GALNT13: variants seen among roughly 807,000 people sequenced by gnomAD.
The protein encoded by GALNT13 is polypeptide N-acetylgalactosaminyltransferase 13.
GALNT13 carries 28 observed loss-of-function variants against 64.2 expected under a neutral mutation model. That is an observed-to-expected ratio of 0.44 (90% CI 0.32 to 0.60). The LOEUF is 0.60. GALNT13 is among the 20% of genes least tolerant of loss of function. The pLI, the probability that GALNT13 is intolerant of heterozygous loss-of-function variation, is 0.05. For missense variants in GALNT13, 577 were observed against 669.8 expected, an observed-to-expected ratio of 0.86 and a Z score of 1.53; for synonymous variants, 214 against 224.6, an observed-to-expected ratio of 0.95 and a Z score of 0.42.
chr2:153,810,657 T>C, the GALNT13 span, among the ~76,000 whole-genome samples: 1 of 152,136 alleles, frequency 6.6e-6, no homozygotes, highest in Non-Finnish European at 1.5e-5. Context: ...TTTGGAAAAG[T>C]ATAGGAAATG....
intron 3 of GALNT13, among the ~76,000 whole-genome samples, chr2:154,039,308 C>CCTAG (rs2105323819): frequency 9.9e-6 from 1 of 101,064 alleles, no homozygotes; most frequent in Admixed American, 9.7e-5. Context: ...TTATCTTTAC[C>CCTAG]TCCATGCTTA....
At chr2:154,419,896 A>T (rs939084060) in intron 11 of GALNT13, among the ~76,000 whole-genome samples, 3 of 152,148 alleles carry the variant, frequency 2.0e-5, no homozygotes, top group African/African-American at 7.2e-5. Context: ...TATTCTGTTG[A>T]TTAATTGGTT....
At chr2:153,833,364 T>G in the GALNT13 span, among the ~76,000 whole-genome samples, 301 of 152,216 alleles carry the variant, frequency 2.0e-3, 2 homozygotes, top group African/African-American at 6.9e-3. Context: ...AATTTGAGGT[T>G]GCTAAGATCT....
the GALNT13 span, among the ~76,000 whole-genome samples, chr2:153,721,528 G>A: frequency 1.3e-5 from 2 of 149,914 alleles, no homozygotes; most frequent in Non-Finnish European, 2.9e-5. Flanking sequence ...GTTAGATAAA[G>A]AGTCAAGACC....
At chr2:153,412,767 G>C in the GALNT13 span, among the ~76,000 whole-genome samples, 1 of 152,136 alleles carries the variant, frequency 6.6e-6, no homozygotes, top group Non-Finnish European at 1.5e-5. Context: ...AATTTCTAGG[G>C]AGAGACTCTT....
intron 8 of GALNT13, among the ~76,000 whole-genome samples, chr2:154,285,881 A>G (rs62171256): frequency 0.033 from 5,047 of 152,196 alleles, 104 homozygotes; most frequent in East Asian, 0.1. Context: ...TTTTTAGTCA[A>G]TGTTTTATAA....
At chr2:154,405,064 G>T (rs1699466670) in intron 10 of GALNT13, among the ~76,000 whole-genome samples, 1 of 152,078 alleles carries the variant, frequency 6.6e-6, no homozygotes, top group Non-Finnish European at 1.5e-5. Context: ...TGCAAACAAT[G>T]CAAGCACACC....
intron 8 of GALNT13, chr2:154,287,281 C>A (rs1692324132): frequency 1.4e-6 from 1 of 740,274 alleles, no homozygotes; most frequent in East Asian, 2.6e-5. Context: ...CAGAGCTGAT[C>A]CCCAACTCAC....
chr2:154,441,179 G>C (rs539935792), intron 12 of GALNT13, among the ~76,000 whole-genome samples: 3 of 152,176 alleles, frequency 2.0e-5, no homozygotes, highest in Non-Finnish European at 4.4e-5. Context: ...TTATACACTG[G>C]TTAAAGAATG....
At chr2:153,709,729 T>C in the GALNT13 span, among the ~76,000 whole-genome samples, 3 of 152,022 alleles carry the variant, frequency 2.0e-5, no homozygotes, top group Admixed American at 6.6e-5. Context: ...AGCCATGTTA[T>C]AAAATCAACT....
At chr2:153,181,609 T>G in the GALNT13 span, among the ~76,000 whole-genome samples, 1 of 147,058 alleles carries the variant, frequency 6.8e-6, no homozygotes, top group Non-Finnish European at 1.5e-5. Flanking sequence ...GACATTTATA[T>G]TTATATAAAT....
At chr2:153,257,953 G>A in the GALNT13 span, among the ~76,000 whole-genome samples, 1 of 152,096 alleles carries the variant, frequency 6.6e-6, no homozygotes, top group Non-Finnish European at 1.5e-5. Context: ...CCCTGTACAA[G>A]GTTCCTGACC....
chr2:154,374,446 G>C (rs1284265031), intron 9 of GALNT13, among the ~76,000 whole-genome samples: 1 of 152,208 alleles, frequency 6.6e-6, no homozygotes. Flanking sequence ...CCGATGAGCT[G>C]TTGGAAGAGT....
chr2:153,522,806 T>G, the GALNT13 span, among the ~76,000 whole-genome samples: 1 of 152,200 alleles, frequency 6.6e-6, no homozygotes, highest in Non-Finnish European at 1.5e-5. Flanking sequence ...AATCTGTGGC[T>G]TTTTGATTCT....
intron 3 of GALNT13, among the ~76,000 whole-genome samples, chr2:154,107,001 C>G (rs12987323): frequency 1.3e-5 from 2 of 151,646 alleles, no homozygotes; most frequent in Non-Finnish European, 2.9e-5. Context: ...TCTATTAGTT[C>G]CCAGGACAGC....
At chr2:153,237,462 C>A in the GALNT13 span, among the ~76,000 whole-genome samples, 1 of 151,650 alleles carries the variant, frequency 6.6e-6, no homozygotes, top group South Asian at 2.1e-4. Context: ...ATTTTTGTAC[C>A]CATTAGCCAT....
chr2:153,133,229 A>C, the GALNT13 span, among the ~76,000 whole-genome samples: 6 of 152,172 alleles, frequency 3.9e-5, no homozygotes, highest in Non-Finnish European at 8.8e-5. Context: ...GGAGATTACC[A>C]GTTGTAAAGG....
At chr2:153,458,511 A>G in the GALNT13 span, among the ~76,000 whole-genome samples, 1 of 152,024 alleles carries the variant, frequency 6.6e-6, no homozygotes, top group Non-Finnish European at 1.5e-5. Context: ...TAACATTTAT[A>G]CTTTGGGAAA....
At chr2:154,284,548 CACAT>C (rs1446819047) in intron 8 of GALNT13, among the ~76,000 whole-genome samples, 1 of 151,556 alleles carries the variant, frequency 6.6e-6, no homozygotes, top group Admixed American at 6.6e-5. Flanking sequence ...CACACACACA[CACAT>C]ATATATGTAT....
Sources: gnomAD v4.1 joint callset for allele counts (sites outside exome capture counted in the v4.1 genomes callset) on GRCh38, gnomAD v4.1.1 for gene constraint, MANE v1.5 for transcripts, NCBI Gene and HGNC (gene_info 2026-07-23, HGNC 2026-07-21) for gene names.